Variants in EVI5 observed in about 807,000 individuals in gnomAD.
EVI5 encodes ecotropic viral integration site 5 protein homolog.
EVI5 carries 73 observed loss-of-function variants against 112.0 expected under a neutral mutation model. The ratio of observed to expected loss-of-function variants is 0.65; its 90% confidence interval spans 0.54 to 0.79. The LOEUF is 0.79. Ranked by LOEUF, EVI5 falls within the 30% of genes least tolerant of loss-of-function variation. The probability of loss-of-function intolerance (pLI) is 0.00; values close to 1 mark genes in which losing one functional copy is unlikely to be tolerated. For missense variants in EVI5, 900 were observed against 968.8 expected (o/e 0.93, Z 0.94); for synonymous variants, 305 against 319.9 (o/e 0.95, Z 0.50).
chr1:92,716,683 G>C (rs547403934), intron 2 of EVI5, among the ~76,000 whole-genome samples: 5 of 150,502 alleles, frequency 3.3e-5, no homozygotes, highest in Admixed American at 6.7e-5. Flanking sequence ...CAAGCTAAAG[G>C]AGGATGTTCA....
intron 18 of EVI5, among the ~76,000 whole-genome samples, chr1:92,570,427 T>C (rs977975310): frequency 2.6e-5 from 4 of 152,248 alleles, no homozygotes; most frequent in South Asian, 2.1e-4. Flanking sequence ...CTGGATGAGA[T>C]AGAAAGGTTA....
At chr1:92,745,228 C>T (rs182613897) in intron 1 of EVI5, among the ~76,000 whole-genome samples, 61 of 152,000 alleles carry the variant, frequency 4.0e-4, no homozygotes, top group African/African-American at 1.5e-3. Context: ...GCGTGGACCA[C>T]CCACCCAGCC....
At chr1:92,554,532 T>C (rs183087971) in intron 19 of EVI5, among the ~76,000 whole-genome samples, 3 of 152,354 alleles carry the variant, frequency 2.0e-5, no homozygotes, top group East Asian at 1.9e-4. Context: ...TTAAGTATTT[T>C]ACATAGCGCT....
chr1:92,618,830 G>A (rs905072346), intron 16 of EVI5, among the ~76,000 whole-genome samples: 10 of 152,184 alleles, frequency 6.6e-5, no homozygotes, highest in African/African-American at 1.7e-4. Context: ...GTTTGTGTAT[G>A]TATACATTTG....
At chr1:92,731,386 C>T (rs1047935905) in intron 2 of EVI5, among the ~76,000 whole-genome samples, 1 of 152,110 alleles carries the variant, frequency 6.6e-6, no homozygotes, top group Non-Finnish European at 1.5e-5. Flanking sequence ...AATTGTAGTT[C>T]TATATGCCAG....
chr1:92,624,630 G>A (rs1557927996), intron 15 of EVI5, among the ~76,000 whole-genome samples: 1 of 135,668 alleles, frequency 7.4e-6, no homozygotes, highest in Non-Finnish European at 1.5e-5. Context: ...ATCACCTGAG[G>A]TCAGGAGTTT....
At chr1:92,779,903 T>C (rs1317021565) in intron 1 of EVI5, among the ~76,000 whole-genome samples, 2 of 152,122 alleles carry the variant, frequency 1.3e-5, no homozygotes, top group African/African-American at 2.4e-5. Context: ...TTATGTAAGG[T>C]ACAGTTGGAC....
intron 16 of EVI5, among the ~76,000 whole-genome samples, chr1:92,609,367 AT>A (rs1035114145): frequency 8.0e-5 from 12 of 150,016 alleles, no homozygotes; most frequent in Admixed American, 1.3e-4. Context: ...ATTTCATTTC[AT>A]TTTTTTTTTG....
At chr1:92,617,560 G>C (rs553844677) in intron 16 of EVI5, among the ~76,000 whole-genome samples, 1 of 152,240 alleles carries the variant, frequency 6.6e-6, no homozygotes, top group African/African-American at 2.4e-5. Flanking sequence ...ATAAGCCCAT[G>C]AACAAAGTGG....
At chr1:92,692,674 C>CATCATTGT (rs1215199206) in intron 9 of EVI5, among the ~76,000 whole-genome samples, 2 of 152,142 alleles carry the variant, frequency 1.3e-5, no homozygotes, top group Non-Finnish European at 2.9e-5. Context: ...TACAGGTACA[C>CATCATTGT]ATCATTGTGC....
At chr1:92,699,354 C>A (rs964866162) in intron 5 of EVI5, among the ~76,000 whole-genome samples, 1 of 152,174 alleles carries the variant, frequency 6.6e-6, no homozygotes, top group Non-Finnish European at 1.5e-5. Context: ...TTTTCCACAG[C>A]ATTTTCTGGA....
At chr1:92,727,744 G>T (rs775440902) in intron 2 of EVI5, among the ~76,000 whole-genome samples, 14 of 152,136 alleles carry the variant, frequency 9.2e-5, no homozygotes, top group Non-Finnish European at 1.9e-4. Context: ...TTCTAGGTAT[G>T]ATGGCTCACA....
chr1:92,549,560 C>G (rs1180789422), intron 19 of EVI5, among the ~76,000 whole-genome samples: 1 of 151,868 alleles, frequency 6.6e-6, no homozygotes, highest in African/African-American at 2.4e-5. Flanking sequence ...AGTGAACAGG[C>G]AACCTACAGA....
chr1:92,775,419 T>G (rs1477746762), intron 1 of EVI5, among the ~76,000 whole-genome samples: 1 of 149,694 alleles, frequency 6.7e-6, no homozygotes, highest in East Asian at 1.9e-4. Context: ...ACAGCGAGAC[T>G]GCATTTCAAA....
chr1:92,604,958 A>T (rs1487221494), intron 18 of EVI5, among the ~76,000 whole-genome samples: 1 of 152,220 alleles, frequency 6.6e-6, no homozygotes, highest in Non-Finnish European at 1.5e-5. Flanking sequence ...TCAAACTCAT[A>T]GAGACAAAGT....
At chr1:92,606,924 C>CCACACCCA (rs1650546488) in intron 17 of EVI5, among the ~76,000 whole-genome samples, 1 of 91,402 alleles carries the variant, frequency 1.1e-5, no homozygotes, top group African/African-American at 3.6e-5. Flanking sequence ...ACACACACAC[C>CCACACCCA]CCCCCAAACC....
chr1:92,647,574 G>A (rs1247464696), intron 13 of EVI5: 6 of 538,652 alleles, frequency 1.1e-5, no homozygotes, highest in Admixed American at 8.9e-5. Flanking sequence ...GTTCTTCTCT[G>A]CATGTCTGCA....
intron 2 of EVI5, among the ~76,000 whole-genome samples, chr1:92,719,314 C>T (rs184834744): frequency 6.6e-6 from 1 of 151,942 alleles, no homozygotes; most frequent in African/African-American, 2.4e-5. Context: ...ACTGGCAAAC[C>T]GAATCCAGCA....
intron 7 of EVI5, 139 bp from the exon 8 acceptor site, chr1:92,694,527 G>A (rs1670001318): frequency 1.7e-6 from 1 of 597,210 alleles, no homozygotes; most frequent in Non-Finnish European, 3.0e-6. Flanking sequence ...GAGTCAGAAA[G>A]CAAGTATTTT....
Sources: allele counts gnomAD v4.1 joint callset (sites outside exome capture counted in the v4.1 genomes callset), GRCh38; gene constraint gnomAD v4.1.1; transcripts MANE v1.5; gene names NCBI Gene and HGNC (gene_info 2026-07-23, HGNC 2026-07-21).